The following SLC30A2 variants were observed in gnomAD, a reference collection of about 807,000 sequenced individuals.
The protein encoded by SLC30A2 is proton-coupled zinc antiporter SLC30A2.
In SLC30A2, 19 loss-of-function variants were observed where a neutral mutation model predicts 39.6. The ratio of observed to expected loss-of-function variants is 0.48; its 90% confidence interval spans 0.34 to 0.70. The LOEUF (loss-of-function observed/expected upper bound fraction) is 0.70, where lower values mean the gene tolerates loss of function less well. Among genes scored for constraint, SLC30A2 ranks in the 30% least tolerant of loss-of-function variants. SLC30A2 has a pLI of 0.01. For missense variants in SLC30A2, 387 were observed against 479.4 expected, an observed-to-expected ratio of 0.81 and a Z score of 1.80; for synonymous variants, 195 against 194.8, an observed-to-expected ratio of 1.00 and a Z score of -0.01.
At chr1:26,045,724 C>G (rs895090995) in intron 1 of SLC30A2, 123 bp downstream of exon 1, 4 of 1,495,470 alleles carry the variant, frequency 2.7e-6, no homozygotes, top group African/African-American at 1.4e-5. Flanking sequence ...CTCACCTCAC[C>G]CCACCCCTCC....
Position 26,039,193 on chromosome 1 carries a change from C to T in SLC30A2, c.1086G>A (p.Lys362=). The T allele has an allele frequency of 6.2e-7, 1 of 1,614,102 alleles. No individual in the cohort carries two copies. Among genetic ancestry groups the T allele is most frequent in the Non-Finnish European group, 8.5e-7 (1 of 1,179,942 alleles). ...AGGGGCCCTGGCATGCCTGACAGTC[C>T]TTCATGTCCTCCGAGTAGTCCTCGA... The part of the protein sequence containing the change: ...IQIEDYSEDM[K]DCQACQGPSD The change falls in exon 8 of 8, where the codon AAG becomes AAA. Residue 362 remains lysine, a synonymous_variant. Coordinates refer to ENST00000374276, the MANE Select transcript of SLC30A2 (RefSeq NM_001004434.3). The surrounding 1 kb of genome is among the most constrained non-coding windows in gnomAD (Gnocchi z 4.3).
chr1:26,044,189 C>A, intron 3 of SLC30A2, 109 bp downstream of exon 3: 1 of 1,172,852 alleles, frequency 8.5e-7, no homozygotes, highest in Non-Finnish European at 1.2e-6. Flanking sequence ...ACCCTCCTGG[C>A]CTCACTCAGG....
chr1:26,043,756 A>G (rs1228397921), intron 3 of SLC30A2, among the ~76,000 whole-genome samples: 3 of 152,134 alleles, frequency 2.0e-5, no homozygotes, highest in Non-Finnish European at 4.4e-5. Flanking sequence ...AGAAGGAACT[A>G]ATAAGTCATC....
rs2050379351 is a variant in SLC30A2, at chr1:26,039,971, G to T, written c.839-60C>A. On this transcript the variant is annotated intron_variant, in intron 6 of 7. Coordinates refer to ENST00000374276, the MANE Select transcript of SLC30A2 (RefSeq NM_001004434.3). The surrounding 1 kb of genome is among the most constrained non-coding windows in gnomAD (Gnocchi z 4.3). Reference sequence around the variant, plus strand: ...ACTACCCCTCCCACGCCTGCCCATTGGTGCAGGGCTGGCTCCTGATCCTCA... The same window carrying T: ...ACTACCCCTCCCACGCCTGCCCATTTGTGCAGGGCTGGCTCCTGATCCTCA... 16 of 1,590,178 alleles carry T rather than the reference G, an allele frequency of 1.0e-5. No homozygotes were observed. Among genetic ancestry groups the T allele is most frequent in the Non-Finnish European group, 1.4e-5 (16 of 1,160,520 alleles).
intron 6 of SLC30A2, among the ~76,000 whole-genome samples, chr1:26,040,847 T>C (rs1191945211): frequency 1.3e-5 from 2 of 151,790 alleles, no homozygotes; most frequent in Non-Finnish European, 2.9e-5. Flanking sequence ...ACTCCAGCAC[T>C]TTGAGAGGCC....
rs2050375732 is a variant in SLC30A2, at chr1:26,039,626, A to C, written c.973+151T>G. ...ATGGATAAATGAGATTGTGCTGATCAGATGGAATAATGCGTATCAAGTACT... is the reference window on the plus strand; with the variant it reads ...ATGGATAAATGAGATTGTGCTGATCCGATGGAATAATGCGTATCAAGTACT... On this transcript the variant is annotated intron_variant, in intron 7 of 7. Coordinates refer to ENST00000374276, the MANE Select transcript of SLC30A2 (RefSeq NM_001004434.3). The surrounding 1 kb of genome is among the most constrained non-coding windows in gnomAD (Gnocchi z 4.3). 1 of 784,604 alleles carries C rather than the reference A, an allele frequency of 1.3e-6. No individual in the cohort carries two copies. The highest frequency in any genetic ancestry group is 2.9e-5 in the Admixed American group (1 of 35,004). The allele number at this position is 784,604 out of a possible 1,614,324, so 48.6% of individuals were successfully genotyped here.
rs3008216 is a variant in SLC30A2 at position 26,039,590 on chromosome 1, T to G, written c.973+187A>C. Among the ~76,000 whole-genome samples, 4,460 of 152,322 alleles carry G rather than the reference T, an allele frequency of 0.029. 225 individuals carry two copies. Among genetic ancestry groups the G allele is most frequent in the African/African-American group, 0.1 (4,220 of 41,556 alleles). On this transcript the variant is annotated intron_variant, in intron 7 of 7. Transcript: ENST00000374276. The surrounding 1 kb of genome is among the most constrained non-coding windows in gnomAD (Gnocchi z 4.3). ...GTAACTTTACCACCCAACCCCAGCC[T>G]CAGTTTCTTCATGGATAAATGAGAT...
intron 2 of SLC30A2, among the ~76,000 whole-genome samples, chr1:26,044,738 T>G (rs2050439602): frequency 6.6e-6 from 1 of 152,248 alleles, no homozygotes; most frequent in African/African-American, 2.4e-5. Context: ...AATTCAGGCC[T>G]TCCCTTAGCT....
At chr1:26,044,472 C>T in intron 2 of SLC30A2, 28 bp from the exon 3 acceptor site, 1 of 1,607,024 alleles carries the variant, frequency 6.2e-7, no homozygotes, top group South Asian at 1.1e-5. Context: ...CTTATCAGCT[C>T]CCCCAGAGAG....
chr1:26,044,176 A>C, intron 3 of SLC30A2, 122 bp downstream of exon 3: 2 of 1,028,334 alleles, frequency 1.9e-6, no homozygotes, highest in East Asian at 2.4e-5. Flanking sequence ...CCCCATCCAG[A>C]TCACCCTCCT....
chr1:26,045,723 C>T (rs1370983941), intron 1 of SLC30A2, 124 bp downstream of exon 1: 2 of 1,489,360 alleles, frequency 1.3e-6, no homozygotes, highest in Admixed American at 1.9e-5. Flanking sequence ...CCTCACCTCA[C>T]CCCACCCCTC....
chr1:26,040,438 A>G (rs1201796743), intron 6 of SLC30A2, among the ~76,000 whole-genome samples: 3 of 151,884 alleles, frequency 2.0e-5, no homozygotes, highest in East Asian at 1.9e-4. Context: ...TGGTAGAGAC[A>G]GGGTTTCACT....
chr1:26,046,001 C>A lies in SLC30A2; in HGVS notation c.-105G>T. On this transcript the variant is annotated 5_prime_UTR_variant, in exon 1 of 8. Transcript: ENST00000374276. This position sits in a 1 kb window ranked among gnomAD's most constrained non-coding sequence, Gnocchi z 4.4. ...GGCGCTCACCCACCTGCCCCGAGGG[C>A]CCCGCGAGGTGCGCTCACTCCGGCC... is the stretch of plus-strand genomic sequence containing the variant. 2 of 1,491,896 alleles carry A rather than the reference C, an allele frequency of 1.3e-6. No homozygotes were observed. Among genetic ancestry groups the A allele is most frequent in the East Asian group, 2.5e-5 (1 of 39,480 alleles). The allele number at this position is 1,491,896 out of a possible 1,614,324, so 92.4% of individuals were successfully genotyped here. A position where few individuals can be genotyped will look rare whatever the true frequency, so the allele number is the denominator to read the frequency against.
chr1:26,044,218 C>T, intron 3 of SLC30A2, 80 bp downstream of exon 3: 1 of 1,463,114 alleles, frequency 6.8e-7, no homozygotes, highest in Non-Finnish European at 9.5e-7. Flanking sequence ...GGGGGATCCA[C>T]CCATTACAGC....
Position 26,045,828 on chromosome 1 carries a change from C to T in SLC30A2, c.50+19G>A. Reference sequence around the variant, plus strand: ...GGCTGCCGCCAAAATTCCCGCCCGTCCCCAGGCTCTCGCCTTACCGGATTG... The same window carrying T: ...GGCTGCCGCCAAAATTCCCGCCCGTTCCCAGGCTCTCGCCTTACCGGATTG... On this transcript the variant is annotated intron_variant, in intron 1 of 7. Transcript: ENST00000374276. 6.2e-7 allele frequency: 1 copy of T among 1,613,616 alleles called. No individual in the cohort carries two copies. The highest frequency in any genetic ancestry group is 1.7e-5 in the Admixed American group (1 of 60,032).
chr1:26,043,264 A>C, intron 4 of SLC30A2, 134 bp downstream of exon 4: 1 of 950,180 alleles, frequency 1.1e-6, no homozygotes, highest in Non-Finnish European at 1.6e-6. Flanking sequence ...GCCAGAGCTC[A>C]GACCATTAGG....
At chr1:26,045,755 C>T in intron 1 of SLC30A2, 92 bp downstream of exon 1, 1 of 1,600,258 alleles carries the variant, frequency 6.2e-7, no homozygotes, top group Non-Finnish European at 8.5e-7. Flanking sequence ...CAGCTCAAGC[C>T]GCAGCCAAAA....
chr1:26,042,780 C>T, intron 4 of SLC30A2, 72 bp from the exon 5 acceptor site: 1 of 1,400,242 alleles, frequency 7.1e-7, no homozygotes. Context: ...GACTAGCCAA[C>T]TTGTAGGGCA....
At chr1:26,044,214 T>C in intron 3 of SLC30A2, 84 bp downstream of exon 3, 1 of 1,425,498 alleles carries the variant, frequency 7.0e-7, no homozygotes, top group Non-Finnish European at 9.8e-7. Context: ...GAAGGGGGGA[T>C]CCACCCATTA....
Sources: allele counts gnomAD v4.1 joint callset (sites outside exome capture counted in the v4.1 genomes callset), GRCh38; gene constraint gnomAD v4.1.1; non-coding constraint Gnocchi (gnomAD v3.1); transcripts MANE v1.5; gene names NCBI Gene and HGNC (gene_info 2026-07-23, HGNC 2026-07-21).